STPG2: variants seen among roughly 807,000 people sequenced by gnomAD.
STPG2 encodes the protein sperm tail PG-rich repeat containing 2, also known as sperm-tail PG-rich repeat-containing protein 2.
STPG2 carries 56 observed loss-of-function variants against 54.2 expected under a neutral mutation model. The observed-to-expected ratio is 1.03, with a 90% CI of 0.83 to 1.29. STPG2 has a LOEUF of 1.29. STPG2 is among the 50% of genes most tolerant of loss of function. STPG2 has a pLI of 0.00. For missense variants in STPG2, 596 were observed against 544.9 expected (o/e 1.09, Z -0.93); for synonymous variants, 200 against 181.8 (o/e 1.10, Z -0.81).
chr4:97,727,615 G>T (rs1724663877), intron 9 of STPG2, among the ~76,000 whole-genome samples: 2 of 151,798 alleles, frequency 1.3e-5, no homozygotes, highest in South Asian at 4.1e-4. Flanking sequence ...GATTAAACAA[G>T]GTTCAAACAG....
At chr4:98,070,364 C>T (rs148349720) in intron 5 of STPG2, among the ~76,000 whole-genome samples, 2,244 of 151,964 alleles carry the variant, frequency 0.015, 65 homozygotes, top group African/African-American at 0.05. Flanking sequence ...AAGGAACATA[C>T]CTCAAAATAA....
intron 4 of STPG2, among the ~76,000 whole-genome samples, chr4:97,533,364 A>T (rs191035757): frequency 8.5e-5 from 13 of 152,162 alleles, no homozygotes; most frequent in Non-Finnish European, 1.6e-4. Flanking sequence ...TATGGAATGA[A>T]TTTTTTTAAA....
intron 9 of STPG2, among the ~76,000 whole-genome samples, chr4:97,801,125 C>T (rs575649057): frequency 5.9e-5 from 9 of 152,310 alleles, no homozygotes. Context: ...ACCCCTTGTG[C>T]TTCCCGGGTG....
intron 7 of STPG2, among the ~76,000 whole-genome samples, chr4:97,958,228 T>C (rs894706672): frequency 6.6e-6 from 1 of 151,912 alleles, no homozygotes; most frequent in African/African-American, 2.4e-5. Context: ...AAGAATTGCT[T>C]GAACCTGGGA....
intron 5 of STPG2, among the ~76,000 whole-genome samples, chr4:98,031,793 G>A (rs921283138): frequency 1.3e-5 from 2 of 152,162 alleles, no homozygotes; most frequent in Non-Finnish European, 2.9e-5. Context: ...CAGAGAGTGG[G>A]AGAAAATCTT....
At chr4:97,698,374 T>C (rs1351699959) in intron 10 of STPG2, among the ~76,000 whole-genome samples, 1 of 152,210 alleles carries the variant, frequency 6.6e-6, no homozygotes, top group Non-Finnish European at 1.5e-5. Context: ...TTCATCTTGA[T>C]AATCTGCATC....
intron 10 of STPG2, among the ~76,000 whole-genome samples, chr4:97,699,636 T>C (rs947838904): frequency 3.3e-5 from 5 of 152,030 alleles, no homozygotes; most frequent in African/African-American, 1.2e-4. Flanking sequence ...CTGAGGAGAG[T>C]TCCCTTCACT....
At chr4:97,645,024 A>C (rs1721870557) in intron 10 of STPG2, among the ~76,000 whole-genome samples, 2 of 152,072 alleles carry the variant, frequency 1.3e-5, no homozygotes, top group Admixed American at 6.6e-5. Flanking sequence ...AAGGAAGCTG[A>C]GATGTGCTTT....
At chr4:98,132,059 A>C (rs927752614) in intron 2 of STPG2, among the ~76,000 whole-genome samples, 2 of 151,998 alleles carry the variant, frequency 1.3e-5, no homozygotes, top group Non-Finnish European at 2.9e-5. Flanking sequence ...AAGCTTTTTT[A>C]CTTCAGGAAT....
chr4:97,446,624 C>T (rs988750645), intron 4 of STPG2, among the ~76,000 whole-genome samples: 4 of 152,094 alleles, frequency 2.6e-5, no homozygotes, highest in Admixed American at 6.5e-5. Flanking sequence ...ATGATGGGTA[C>T]GGTTTCCCCT....
chr4:98,111,280 A>T (rs1490678127), intron 3 of STPG2, among the ~76,000 whole-genome samples: 1 of 152,166 alleles, frequency 6.6e-6, no homozygotes, highest in Non-Finnish European at 1.5e-5. Flanking sequence ...ACTGGAGATA[A>T]ACTCTTAGGT....
chr4:97,812,430 C>G (rs930653449), intron 9 of STPG2, among the ~76,000 whole-genome samples: 4 of 152,088 alleles, frequency 2.6e-5, no homozygotes, highest in African/African-American at 9.7e-5. Context: ...ACCTGTTCCA[C>G]ATTTACTTCT....
chr4:97,779,586 C>A lies in STPG2; in HGVS notation c.1204+61187G>T, dbSNP rs1726527899. Among the ~76,000 whole-genome samples, 3 of 152,098 alleles carry A rather than the reference C, an allele frequency of 2.0e-5. 1 individual carries two copies. In the South Asian group the frequency reaches 6.2e-4, roughly 32 times the overall value. On this transcript the variant is annotated intron_variant, in intron 9 of 10. Transcript: ENST00000295268. ...AATTCAGGACATACAGAGACCACCA[C>A]AAAGATACTCCTCAACAAGAGCAAC...
intron 10 of STPG2, among the ~76,000 whole-genome samples, chr4:97,662,992 A>G (rs896833795): frequency 6.6e-6 from 1 of 152,198 alleles, no homozygotes; most frequent in Non-Finnish European, 1.5e-5. Flanking sequence ...TCTTGAAGAA[A>G]AATTTATCTT....
At chr4:97,471,447 T>C (rs1020678343) in intron 4 of STPG2, among the ~76,000 whole-genome samples, 1 of 152,198 alleles carries the variant, frequency 6.6e-6, no homozygotes, top group Non-Finnish European at 1.5e-5. Flanking sequence ...ATAATGCTAT[T>C]GCTAATAATT....
At chr4:97,724,802 C>G (rs1724565235) in intron 9 of STPG2, among the ~76,000 whole-genome samples, 1 of 152,068 alleles carries the variant, frequency 6.6e-6, no homozygotes, top group African/African-American at 2.4e-5. Context: ...AGAATAATAT[C>G]TTAGTATTAT....
intron 4 of STPG2, among the ~76,000 whole-genome samples, chr4:97,478,267 C>T (rs1271181060): frequency 1.3e-5 from 2 of 152,066 alleles, no homozygotes; most frequent in African/African-American, 4.8e-5. Context: ...ATCACAAGTA[C>T]TTTTATTAAG....
At chr4:98,025,809 T>C in intron 5 of STPG2, 4 of 1,589,370 alleles carry the variant, frequency 2.5e-6, no homozygotes, top group Non-Finnish European at 3.4e-6. Flanking sequence ...CCGGGTGCCT[T>C]TACCTGCTAT....
chr4:97,537,286 C>T (rs1731557998), intron 4 of STPG2, among the ~76,000 whole-genome samples: 1 of 152,156 alleles, frequency 6.6e-6, no homozygotes, highest in African/African-American at 2.4e-5. Flanking sequence ...AGGGAACTCC[C>T]TTTCATAGCC....
Sources: gnomAD v4.1 joint callset for allele counts (sites outside exome capture counted in the v4.1 genomes callset) on GRCh38, gnomAD v4.1.1 for gene constraint, MANE v1.5 for transcripts, NCBI Gene and HGNC (gene_info 2026-07-23, HGNC 2026-07-21) for gene names.